The following AK3 variants were observed in gnomAD, a reference collection of about 807,000 sequenced individuals.
AK3 encodes adenylate kinase 3, also known as GTP:AMP phosphotransferase AK3, mitochondrial.
AK3 carries 27 observed loss-of-function variants against 23.7 expected under a neutral mutation model. The ratio of observed to expected loss-of-function variants is 1.14; its 90% confidence interval spans 0.84 to 1.57. The LOEUF (loss-of-function observed/expected upper bound fraction) is 1.57. AK3 is among the 40% of genes most tolerant of loss of function. The pLI is 0.00. For missense variants in AK3, 406 were observed against 285.6 expected (o/e 1.42, Z -3.04); for synonymous variants, 159 against 116.0 (o/e 1.37, Z -2.38).
At chr9:4,717,385 A>C (rs1456922899) in intron 4 of AK3, among the ~76,000 whole-genome samples, 1 of 152,136 alleles carries the variant, frequency 6.6e-6, no homozygotes, top group Non-Finnish European at 1.5e-5. Flanking sequence ...ACAAAACAAG[A>C]GCAGACAAAA....
rs1841549039 is a variant in AK3, at chr9:4,711,082, CTAAGGGTA to C, written c.*1886_*1893del. The C allele has an allele frequency of 6.6e-6, 1 of 152,072 alleles. No homozygotes were observed. Among genetic ancestry groups the C allele is most frequent in the South Asian group, 2.1e-4 (1 of 4,812 alleles). 9.4% of individuals were successfully genotyped at this position (152,072 alleles called of 1,614,324 possible). On this transcript the variant is annotated 3_prime_UTR_variant, in exon 5 of 5. Transcript: ENST00000381809. ...CTGCTCACTTTGATTTCCAAATCCCCTAAGGGTATTATGAAGGCCGGTATGGCTACCAT... is the reference window on the plus strand; with the variant it reads ...CTGCTCACTTTGATTTCCAAATCCCCTTATGAAGGCCGGTATGGCTACCAT...
chr9:4,730,565 T>A (rs917080957), intron 1 of AK3, among the ~76,000 whole-genome samples: 1 of 152,180 alleles, frequency 6.6e-6, no homozygotes, highest in Non-Finnish European at 1.5e-5. Flanking sequence ...ACCGCACTAC[T>A]GCACTCCAGC....
chr9:4,717,074 T>C (rs1841756207), intron 4 of AK3, among the ~76,000 whole-genome samples: 1 of 152,250 alleles, frequency 6.6e-6, no homozygotes, highest in Non-Finnish European at 1.5e-5. Context: ...GTTACCCATA[T>C]TAATCTTTCA....
chr9:4,737,352 T>G (rs1174637279), intron 1 of AK3, among the ~76,000 whole-genome samples: 4 of 152,160 alleles, frequency 2.6e-5, no homozygotes. Context: ...AAATACTGCA[T>G]AGAGAAAAGA....
At chr9:4,733,424 G>T (rs1035834021) in intron 1 of AK3, among the ~76,000 whole-genome samples, 1 of 152,176 alleles carries the variant, frequency 6.6e-6, no homozygotes, top group Non-Finnish European at 1.5e-5. Context: ...GAAGGGGAAC[G>T]GGAGGGCCCC....
intron 1 of AK3, among the ~76,000 whole-genome samples, chr9:4,737,072 A>G (rs28478331): frequency 0.18 from 27,511 of 150,352 alleles, 3,130 homozygotes; most frequent in East Asian, 0.44. Context: ...TAGTTGAACT[A>G]TTATTCACTA....
intron 1 of AK3, among the ~76,000 whole-genome samples, chr9:4,735,464 G>GTA (rs1360193786): frequency 5.9e-5 from 3 of 50,684 alleles, no homozygotes; most frequent in Non-Finnish European, 1.2e-4. Flanking sequence ...CATAGTATAT[G>GTA]TGTATATATA....
chr9:4,734,118 T>A (rs1318251885), intron 1 of AK3, among the ~76,000 whole-genome samples: 2 of 152,138 alleles, frequency 1.3e-5, no homozygotes, highest in Non-Finnish European at 2.9e-5. Context: ...AATGAGGTCA[T>A]AATGGGAGGG....
At position 4,734,696 on chromosome 9, in the gene AK3, T is replaced by C. The variant is rs956982311; in HGVS notation, c.151+6241A>G. On this transcript the variant is annotated intron_variant, in intron 1 of 4. Transcript: ENST00000381809. Reference sequence around the variant, plus strand: ...CTTTTTAAAATTGTTCTTTAAGTTATTTAAACAAACTATGGTACACCCATA... The same window carrying C: ...CTTTTTAAAATTGTTCTTTAAGTTACTTAAACAAACTATGGTACACCCATA... Among the ~76,000 whole-genome samples, 36 of 152,242 alleles carry C rather than the reference T, an allele frequency of 2.4e-4. 1 individual carries two copies. The highest frequency in any genetic ancestry group is 2.9e-4 in the Non-Finnish European group (20 of 68,040).
rs747830739 is a variant in AK3 at position 4,740,959 on chromosome 9, C to T, written c.129G>A (p.Arg43=). Residue 43 remains arginine (R), a synonymous_variant, in exon 1 of 5, where the codon CGG becomes CGA. Coordinates refer to ENST00000381809, the MANE Select transcript of AK3 (RefSeq NM_016282.4). ...LKHLSSGDLL[R]DNMLRGTEIG... is the part of the protein sequence containing the mutation. ...CACCTGTGCCCCGCAGCATGTTGTCCCGGAGCAGGTCCCCGCTGGAGAGGT... is the reference window on the plus strand; with the variant it reads ...CACCTGTGCCCCGCAGCATGTTGTCTCGGAGCAGGTCCCCGCTGGAGAGGT... 3 of 1,581,744 alleles carry T rather than the reference C, an allele frequency of 1.9e-6. No individual in the cohort carries two copies. The highest frequency in any genetic ancestry group is 8.6e-7 in the Non-Finnish European group (1 of 1,166,528).
Position 4,710,676 on chromosome 9 carries a change from G to A in AK3, c.*2300C>T, listed in dbSNP as rs1220305935. On this transcript the variant is annotated 3_prime_UTR_variant, in exon 5 of 5. Transcript: ENST00000381809. Reference sequence around the variant, plus strand: ...GCTTACACCTGTAATCTCAGCACTTGGGAAGCTGAATCAGGAAGACTGTTT... The same window carrying A: ...GCTTACACCTGTAATCTCAGCACTTAGGAAGCTGAATCAGGAAGACTGTTT... 6.6e-6 allele frequency: 1 copy of A among 152,116 alleles called. No homozygotes were observed. Among genetic ancestry groups the A allele is most frequent in the Non-Finnish European group, 1.5e-5 (1 of 68,028 alleles). 9.4% of individuals were successfully genotyped at this position (152,116 alleles called of 1,614,324 possible).
At chr9:4,735,504 G>T (rs1452132619) in intron 1 of AK3, among the ~76,000 whole-genome samples, 1 of 117,236 alleles carries the variant, frequency 8.5e-6, no homozygotes. Flanking sequence ...TGGAAACAGA[G>T]TCTCACTGTG....
intron 1 of AK3, among the ~76,000 whole-genome samples, chr9:4,735,945 T>C (rs568652296): frequency 3.9e-4 from 56 of 144,116 alleles, no homozygotes; most frequent in African/African-American, 1.3e-3. Context: ...TGAAACCCCA[T>C]CTCTACTAAA....
Position 4,710,452 on chromosome 9 carries a change from C to T in AK3, c.*2524G>A, listed in dbSNP as rs1841529748. On this transcript the variant is annotated 3_prime_UTR_variant, in exon 5 of 5. Transcript: ENST00000381809. ...GCCAGGATGGTCTCGATCTCCTGAC[C>T]TCGTGATCCGCCCGCCTCGGCCTCC... 1 of 150,442 alleles carries T rather than the reference C, an allele frequency of 6.6e-6. No homozygotes were observed. The highest frequency in any genetic ancestry group is 1.5e-5 in the Non-Finnish European group (1 of 67,470). The allele number at this position is 150,442 out of a possible 1,614,324, so 9.3% of individuals were successfully genotyped here.
Position 4,722,985 on chromosome 9 carries a change from C to A in AK3, c.152-360G>T, listed in dbSNP as rs575696043. Among the ~76,000 whole-genome samples the A allele has an allele frequency of 3.9e-4, 59 of 152,258 alleles. 1 individual carries two copies. The highest frequency in any genetic ancestry group is 1.4e-3 in the African/African-American group (58 of 41,554). On this transcript the variant is annotated intron_variant, in intron 1 of 4. Transcript: ENST00000381809. ...GAACCCAGGTGGGAGACGGGGGAATCGCTTGAACCCAGGAGGCAGAGGTTG... is the reference window on the plus strand; with the variant it reads ...GAACCCAGGTGGGAGACGGGGGAATAGCTTGAACCCAGGAGGCAGAGGTTG...
chr9:4,734,153 T>C (rs1381427445), intron 1 of AK3, among the ~76,000 whole-genome samples: 1 of 152,116 alleles, frequency 6.6e-6, no homozygotes, highest in Non-Finnish European at 1.5e-5. Flanking sequence ...GCCTGGTGTC[T>C]TTATAAGAGG....
intron 2 of AK3, among the ~76,000 whole-genome samples, chr9:4,721,286 C>G (rs1165499286): frequency 6.6e-6 from 1 of 151,650 alleles, no homozygotes; most frequent in Non-Finnish European, 1.5e-5. Context: ...ACCTGTAATC[C>G]CAGCTACTCA....
At chr9:4,727,050 G>A (rs190601094) in intron 1 of AK3, among the ~76,000 whole-genome samples, 2 of 152,210 alleles carry the variant, frequency 1.3e-5, no homozygotes, top group Non-Finnish European at 1.5e-5. Flanking sequence ...TCAACAGTGG[G>A]CTTCAAATAG....
intron 3 of AK3, among the ~76,000 whole-genome samples, chr9:4,718,836 T>C (rs550850009): frequency 6.6e-6 from 1 of 152,344 alleles, no homozygotes; most frequent in East Asian, 1.9e-4. Context: ...GAATTTCAAC[T>C]GCAAGTCCTA....
Sources: allele counts gnomAD v4.1 joint callset (sites outside exome capture counted in the v4.1 genomes callset), GRCh38; gene constraint gnomAD v4.1.1; transcripts MANE v1.5; gene names NCBI Gene and HGNC (gene_info 2026-07-23, HGNC 2026-07-21).